Variants in EPB41L4B observed in about 807,000 individuals in gnomAD.
EPB41L4B encodes the protein band 4.1-like protein 4B.
Under a neutral mutation model 112.5 loss-of-function variants are expected in EPB41L4B, and 30 were observed. The ratio of observed to expected loss-of-function variants is 0.27; its 90% CI spans 0.20 to 0.36. The LOEUF (loss-of-function observed/expected upper bound fraction) is 0.36, where lower values mean the gene tolerates loss of function less well. EPB41L4B is among the 10% of genes least tolerant of loss of function. EPB41L4B has a pLI of 1.00. For missense variants in EPB41L4B, 1,024 were observed against 1,133.3 expected, an observed-to-expected ratio of 0.90 and a Z score of 1.38; for synonymous variants, 408 against 439.7, an observed-to-expected ratio of 0.93 and a Z score of 0.90.
At chr9:109,226,634 AAT>A (rs879781420) in intron 15 of EPB41L4B, among the ~76,000 whole-genome samples, 2,102 of 117,012 alleles carry the variant, frequency 0.018, 98 homozygotes, top group African/African-American at 0.066. Context: ...ATATATGAAG[AAT>A]ATATATATAT....
chr9:109,230,427 TG>T (rs754955246), intron 15 of EPB41L4B, among the ~76,000 whole-genome samples: 7 of 152,230 alleles, frequency 4.6e-5, no homozygotes, highest in Non-Finnish European at 8.8e-5. Flanking sequence ...CTCACTTATC[TG>T]GGTGGCAGAC....
Position 109,185,483 on chromosome 9 carries a change from A to G in EPB41L4B, c.2418+6T>C, listed in dbSNP as rs765087820. The G allele has an allele frequency of 6.2e-7, 1 of 1,612,236 alleles. No individual in the cohort carries two copies. The highest frequency in any genetic ancestry group is 2.2e-5 in the East Asian group (1 of 44,834). On this transcript the variant is annotated splice_donor_region_variant and intron_variant, in intron 23 of 25. Coordinates refer to ENST00000374566, the MANE Select transcript of EPB41L4B (RefSeq NM_019114.5). ...GCCAGGCCCCTCTCCCTGCCAGGGT[A>G]CCTACCAGCCTCGTTTTGATTGGAG...
At chr9:109,190,112 G>C (rs1209824603) in intron 22 of EPB41L4B, among the ~76,000 whole-genome samples, 1 of 152,108 alleles carries the variant, frequency 6.6e-6, no homozygotes, top group African/African-American at 2.4e-5. Flanking sequence ...GGTTACGCTG[G>C]TTCTGATAGT....
chr9:109,231,051 C>G (rs2118906935), intron 15 of EPB41L4B, among the ~76,000 whole-genome samples: 1 of 151,344 alleles, frequency 6.6e-6, no homozygotes, highest in Non-Finnish European at 1.5e-5. Flanking sequence ...CCCAGCTACC[C>G]AGGAGAATGA....
chr9:109,273,545 C>T (rs1204395222), intron 2 of EPB41L4B, among the ~76,000 whole-genome samples: 1 of 152,108 alleles, frequency 6.6e-6, no homozygotes, highest in Non-Finnish European at 1.5e-5. Context: ...CCACACCACG[C>T]CCTGTGGCAT....
chr9:109,243,373 A>G (rs1834423025), intron 15 of EPB41L4B, among the ~76,000 whole-genome samples: 1 of 152,166 alleles, frequency 6.6e-6, no homozygotes, highest in Non-Finnish European at 1.5e-5. Flanking sequence ...AAAACCAAGA[A>G]TATATGAGAT....
intron 1 of EPB41L4B, among the ~76,000 whole-genome samples, chr9:109,307,965 T>A (rs1837276458): frequency 2.0e-5 from 3 of 152,010 alleles, no homozygotes; most frequent in Non-Finnish European, 2.9e-5. Context: ...CAGACTGGAG[T>A]GAGCAGCCTT....
At chr9:109,284,494 C>G (rs540762852) in intron 1 of EPB41L4B, among the ~76,000 whole-genome samples, 2 of 152,286 alleles carry the variant, frequency 1.3e-5, no homozygotes, top group Admixed American at 6.5e-5. Flanking sequence ...TTCACTGTAG[C>G]CTTGAACTCC....
intron 15 of EPB41L4B, among the ~76,000 whole-genome samples, chr9:109,224,009 C>G (rs1312060836): frequency 6.6e-6 from 1 of 151,192 alleles, no homozygotes; most frequent in Non-Finnish European, 1.5e-5. Context: ...ACAGAAGGAG[C>G]CTTTATCTCA....
intron 15 of EPB41L4B, among the ~76,000 whole-genome samples, chr9:109,239,233 T>C (rs1834266829): frequency 6.6e-6 from 1 of 152,166 alleles, no homozygotes. Context: ...TAGGTACTGT[T>C]TGGATATGGG....
chr9:109,220,693 C>T (rs1025738239), intron 15 of EPB41L4B, among the ~76,000 whole-genome samples: 2 of 152,162 alleles, frequency 1.3e-5, no homozygotes, highest in Non-Finnish European at 2.9e-5. Flanking sequence ...ATCTCTGACC[C>T]ATCTTGGCTG....
intron 15 of EPB41L4B, among the ~76,000 whole-genome samples, chr9:109,229,664 T>TG (rs1833893030): frequency 6.6e-6 from 1 of 152,168 alleles, no homozygotes; most frequent in Non-Finnish European, 1.5e-5. Context: ...TTAGCCTCAA[T>TG]GGGGACAATT....
intron 1 of EPB41L4B, among the ~76,000 whole-genome samples, chr9:109,289,321 C>G (rs974876095): frequency 9.2e-5 from 14 of 152,210 alleles, no homozygotes; most frequent in African/African-American, 3.1e-4. Context: ...GGCTCGTGTC[C>G]TTCCTTTGCC....
chr9:109,303,947 C>T (rs1837076562), intron 1 of EPB41L4B, among the ~76,000 whole-genome samples: 1 of 152,034 alleles, frequency 6.6e-6, no homozygotes, highest in African/African-American at 2.4e-5. Flanking sequence ...TTCTCACTGT[C>T]TTGGGAAAGG....
intron 12 of EPB41L4B, 63 bp from the exon 13 acceptor site, chr9:109,251,574 G>C: frequency 6.9e-7 from 1 of 1,443,822 alleles, no homozygotes; most frequent in Non-Finnish European, 9.8e-7. Flanking sequence ...ACCATGCAAT[G>C]ACAGATAATG....
At chr9:109,258,117 T>C (rs1465753186) in intron 7 of EPB41L4B, 60 bp downstream of exon 7, 2 of 1,557,200 alleles carry the variant, frequency 1.3e-6, no homozygotes, top group Non-Finnish European at 1.7e-6. Context: ...AGGAGTGTGA[T>C]CAACACTTAT....
intron 25 of EPB41L4B, among the ~76,000 whole-genome samples, chr9:109,175,890 T>G (rs1220031285): frequency 6.6e-6 from 1 of 152,184 alleles, no homozygotes; most frequent in East Asian, 1.9e-4. Flanking sequence ...TAGCACTGGC[T>G]GGTTGCTCTG....
chr9:109,207,908 T>C lies in EPB41L4B; in HGVS notation c.1878+16A>G. Reference sequence around the variant, plus strand: ...CCTATAACATGAAATCAAAGGAATGTATGCATTCTGCGCACCTGGATGTTC... The same window carrying C: ...CCTATAACATGAAATCAAAGGAATGCATGCATTCTGCGCACCTGGATGTTC... On this transcript the variant is annotated intron_variant, in intron 18 of 25. Coordinates refer to ENST00000374566, the MANE Select transcript of EPB41L4B (RefSeq NM_019114.5). The C allele has an allele frequency of 6.2e-7, 1 of 1,614,000 alleles. No homozygotes were observed. The highest frequency in any genetic ancestry group is 1.1e-5 in the South Asian group (1 of 91,046).
At chr9:109,240,708 A>G (rs1261421483) in intron 15 of EPB41L4B, 3 of 985,338 alleles carry the variant, frequency 3.0e-6, no homozygotes, top group Non-Finnish European at 2.4e-6. Flanking sequence ...CACAACTTCA[A>G]GAAAACCTTA....
Sources: gnomAD v4.1 joint callset for allele counts (sites outside exome capture counted in the v4.1 genomes callset) on GRCh38, gnomAD v4.1.1 for gene constraint, MANE v1.5 for transcripts, NCBI Gene and HGNC (gene_info 2026-07-23, HGNC 2026-07-21) for gene names.